TSPAN4: variants seen among roughly 807,000 people sequenced by gnomAD.
TSPAN4 encodes the protein tetraspanin-4.
TSPAN4 carries 38 observed loss-of-function variants against 31.5 expected under a neutral mutation model. That is an observed-to-expected ratio of 1.21 (90% CI 0.93 to 1.58). The LOEUF (loss-of-function observed/expected upper bound fraction) is 1.58. Ranked by LOEUF, TSPAN4 falls within the 40% of genes most tolerant of loss-of-function variation. TSPAN4 has a pLI of 0.00. For synonymous variants in TSPAN4, 186 were observed against 144.6 expected, an observed-to-expected ratio of 1.29 and a Z score of -2.06; for missense variants, 330 against 317.3, an observed-to-expected ratio of 1.04 and a Z score of -0.30.
At chr11:853,421 G>A (rs1007795012) in intron 3 of TSPAN4, among the ~76,000 whole-genome samples, 1 of 152,168 alleles carries the variant, frequency 6.6e-6, no homozygotes, top group South Asian at 2.1e-4. Flanking sequence ...TGACGGCCTG[G>A]GGCAGCCTGG....
Position 862,558 on chromosome 11 carries a change from C to T in TSPAN4, c.72C>T (p.Gly24=), listed in dbSNP as rs760448062. Residue 24 remains glycine, a synonymous_variant, in exon 4 of 9, where the codon GGC becomes GGT. Transcript: ENST00000397397. The part of the protein sequence containing the change: ...FAFNLLFWLG[G]CGVLGVGIWL... ...CTGTTGCTGTGCCCCAGCTGGGAGGCTGTGGCGTGCTGGGTGTCGGCATCT... is the reference window on the plus strand; with the variant it reads ...CTGTTGCTGTGCCCCAGCTGGGAGGTTGTGGCGTGCTGGGTGTCGGCATCT... 6.2e-7 allele frequency: 1 copy of T among 1,606,972 alleles called. No individual in the cohort carries two copies. Among genetic ancestry groups the T allele is most frequent in the East Asian group, 2.2e-5 (1 of 44,804 alleles).
At chr11:858,038 T>TG (rs1256979650) in intron 3 of TSPAN4, 1 of 152,334 alleles carries the variant, frequency 6.6e-6, no homozygotes, top group Non-Finnish European at 1.5e-5. Context: ...CGGGAGGATA[T>TG]GGGGACAGCC....
intron 3 of TSPAN4, among the ~76,000 whole-genome samples, chr11:853,072 G>A (rs929827258): frequency 2.0e-5 from 3 of 152,056 alleles, no homozygotes; most frequent in East Asian, 1.9e-4. Flanking sequence ...GTGGGGGCAG[G>A]GGCTGAGCCC....
At chr11:849,665 C>T (rs542827171) in intron 2 of TSPAN4, among the ~76,000 whole-genome samples, 1 of 151,656 alleles carries the variant, frequency 6.6e-6, no homozygotes, top group Non-Finnish European at 1.5e-5. Context: ...GGCGAAGGGG[C>T]CGGGGTCGCG....
At chr11:862,770 G>C (rs759621178) in intron 4 of TSPAN4, 29 bp downstream of exon 4, 1 of 1,585,030 alleles carries the variant, frequency 6.3e-7, no homozygotes, top group East Asian at 2.3e-5. Flanking sequence ...GCGATGCTCC[G>C]GGTGGGACCA....
At chr11:861,481 G>C (rs1338778728) in intron 3 of TSPAN4, among the ~76,000 whole-genome samples, 1 of 152,222 alleles carries the variant, frequency 6.6e-6, no homozygotes, top group Non-Finnish European at 1.5e-5. Flanking sequence ...GGGAGGTCGA[G>C]GTGGGTGGAT....
chr11:864,664 G>A (rs1848664238), intron 5 of TSPAN4, 153 bp downstream of exon 5: 2 of 920,496 alleles, frequency 2.2e-6, no homozygotes, highest in East Asian at 2.6e-5. Context: ...GGCCTGGAGG[G>A]GCAGCGCCAG....
intron 3 of TSPAN4, chr11:857,205 G>C (rs1848098569): frequency 6.6e-6 from 1 of 152,210 alleles, no homozygotes; most frequent in Non-Finnish European, 1.5e-5. Context: ...TGGAGGTGTA[G>C]GGTTCCTTCC....
intron 8 of TSPAN4, 115 bp from the exon 9 acceptor site, chr11:866,447 G>A (rs1235873236): frequency 5.4e-5 from 49 of 902,816 alleles, no homozygotes; most frequent in Admixed American, 1.2e-4. Context: ...CCACTGTGTC[G>A]CCCACCCTGG....
Position 862,743 on chromosome 11 carries a change from T to A in TSPAN4, c.255+2T>A. 1 of 1,608,458 alleles carries A rather than the reference T, an allele frequency of 6.2e-7. No individual in the cohort carries two copies. Among genetic ancestry groups the A allele is most frequent in the Admixed American group, 1.7e-5 (1 of 59,676 alleles). Reference sequence around the variant, plus strand: ...GAGAACAAGTGCCTCCTGCTCACTGTGAGTGCCGGGGCCCAAGCGATGCTC... The same window carrying A: ...GAGAACAAGTGCCTCCTGCTCACTGAGAGTGCCGGGGCCCAAGCGATGCTC... On this transcript the variant is annotated splice_donor_variant, in intron 4 of 8. Coordinates refer to ENST00000397397, the MANE Select transcript of TSPAN4 (RefSeq NM_003271.5). LOFTEE classifies it high-confidence loss of function.
At chr11:866,532 C>G (rs570547523) in intron 8 of TSPAN4, 30 bp from the exon 9 acceptor site, 2 of 1,605,118 alleles carry the variant, frequency 1.2e-6, no homozygotes, top group South Asian at 2.2e-5. Context: ...TGTGGAGCTG[C>G]CATGCCCAGT....
At chr11:862,986 A>AG (rs1449864394) in intron 4 of TSPAN4, 2 of 497,970 alleles carry the variant, frequency 4.0e-6, no homozygotes, top group Non-Finnish European at 7.1e-6. Context: ...GTACCTTGTC[A>AG]GGGGCCTCCC....
chr11:850,270 C>T lies in TSPAN4; in HGVS notation c.-17-18C>T, dbSNP rs1215783738. On this transcript the variant is annotated intron_variant, in intron 2 of 8. Coordinates refer to ENST00000397397, the MANE Select transcript of TSPAN4 (RefSeq NM_003271.5). ...TACGTGGTTTTCTACCTGGACCTCT[C>T]CTTCATCTTCCTCCTAGAACTGAAG... 21 of 1,594,600 alleles carry T rather than the reference C, an allele frequency of 1.3e-5. No individual in the cohort carries two copies. The highest frequency in any genetic ancestry group is 2.3e-5 in the East Asian group (1 of 44,076).
rs780627102 is a variant in TSPAN4, at chr11:865,871, G to A, written c.564+46G>A. 149 of 1,612,336 alleles carry A rather than the reference G, an allele frequency of 9.2e-5. No individual in the cohort carries two copies. In the Admixed American group the frequency reaches 1.8e-3, roughly 19 times the overall value. Reference sequence around the variant, plus strand: ...GGGGGCTGGTAGGGGCCTAGAGGGCGGGACCAGCAGGCCCTGCCGTGACAC... The same window carrying A: ...GGGGGCTGGTAGGGGCCTAGAGGGCAGGACCAGCAGGCCCTGCCGTGACAC... On this transcript the variant is annotated intron_variant, in intron 7 of 8. Transcript: ENST00000397397.
At chr11:863,285 C>G (rs1011021420) in intron 4 of TSPAN4, 1 of 152,332 alleles carries the variant, frequency 6.6e-6, no homozygotes, top group African/African-American at 2.4e-5. Context: ...GAAAAGGGCT[C>G]CTAGATGGAA....
At position 850,379 on chromosome 11, in the gene TSPAN4, G is replaced by A. The variant is rs1847606173; in HGVS notation, c.63+12G>A. The A allele has an allele frequency of 6.3e-7, 1 of 1,597,208 alleles. No homozygotes were observed. Among genetic ancestry groups the A allele is most frequent in the Non-Finnish European group, 8.5e-7 (1 of 1,177,200 alleles). On this transcript the variant is annotated intron_variant, in intron 3 of 8. Transcript: ENST00000397397. ...ACCTGCTCTTCTGGGTGAGTCCGGG[G>A]GCCGGGGTGGGGGCCCGGGAAAGAC...
chr11:864,323 G>A (rs559828251), intron 4 of TSPAN4, 114 bp from the exon 5 acceptor site: 2 of 1,347,074 alleles, frequency 1.5e-6, no homozygotes, highest in Admixed American at 1.7e-5. Context: ...GCCTGGCAGA[G>A]GTTTCCTGGC....
In TSPAN4 at chr11:866,770, G is replaced by C; in HGVS notation, c.*140G>C. Reference sequence around the variant, plus strand: ...GGAGGGACAGGTGCCTGGAGCCCCCGGAACCCTGTTTCTGGAAGGCCCTAG... The same window carrying C: ...GGAGGGACAGGTGCCTGGAGCCCCCCGAACCCTGTTTCTGGAAGGCCCTAG... On this transcript the variant is annotated 3_prime_UTR_variant, in exon 9 of 9. Coordinates refer to ENST00000397397, the MANE Select transcript of TSPAN4 (RefSeq NM_003271.5). The C allele has an allele frequency of 1.1e-6, 1 of 906,442 alleles. No homozygotes were observed. Among genetic ancestry groups the C allele is most frequent in the Non-Finnish European group, 1.6e-6 (1 of 622,822 alleles). 56.1% of individuals were successfully genotyped at this position (906,442 alleles called of 1,614,324 possible).
At chr11:860,746 T>G (rs769662615) in intron 3 of TSPAN4, among the ~76,000 whole-genome samples, 1 of 152,116 alleles carries the variant, frequency 6.6e-6, no homozygotes, top group Non-Finnish European at 1.5e-5. Flanking sequence ...CCCCAGAGCC[T>G]GGGGTCTGAG....
Sources: gnomAD v4.1 joint callset for allele counts (sites outside exome capture counted in the v4.1 genomes callset) on GRCh38, gnomAD v4.1.1 for gene constraint, MANE v1.5 for transcripts, NCBI Gene and HGNC (gene_info 2026-07-23, HGNC 2026-07-21) for gene names.